The following ANKRD30B variants were observed in gnomAD, a reference collection of about 807,000 sequenced individuals.
ANKRD30B encodes the protein ankyrin repeat domain 30B.
Under a neutral mutation model 202.2 loss-of-function variants are expected in ANKRD30B, and 144 were observed. That is an observed-to-expected ratio of 0.71 (90% CI 0.62 to 0.82). The LOEUF is 0.82. Ranked by LOEUF, ANKRD30B falls within the 40% of genes least tolerant of loss-of-function variation. ANKRD30B has a pLI of 0.00. For missense variants in ANKRD30B, 1,487 were observed against 1,669.1 expected (o/e 0.89, Z 1.90); for synonymous variants, 508 against 561.3 (o/e 0.91, Z 1.34).
chr18:14,875,452 G>A, the ANKRD30B span, among the ~76,000 whole-genome samples: 1 of 152,156 alleles, frequency 6.6e-6, no homozygotes, highest in South Asian at 2.1e-4. Flanking sequence ...TTTCCCATAG[G>A]AAGGTTATGG....
intron 7 of ANKRD30B, among the ~76,000 whole-genome samples, chr18:14,768,578 C>G (rs549217541): frequency 6.6e-6 from 1 of 152,290 alleles, no homozygotes; most frequent in Admixed American, 6.5e-5. Context: ...GGACAACTTG[C>G]TGGTTTCTGC....
rs568998909 is a variant in ANKRD30B, at chr18:14,852,076, T to C, written c.4132T>C (p.Leu1378=). 5 of 1,610,284 alleles carry C rather than the reference T, an allele frequency of 3.1e-6. No homozygotes were observed. The South Asian group carries it at 4.4e-5, about 14-fold the overall frequency. ...YAGDDLRENA[L]VSEHAQRDRC... Reference sequence around the variant, plus strand: ...AGGAGATGATCTAAGAGAAAATGCATTGGTTTCAGAACATGCACAAAGAGA... The same window carrying C: ...AGGAGATGATCTAAGAGAAAATGCACTGGTTTCAGAACATGCACAAAGAGA... Residue 1378 remains leucine (L), a synonymous_variant, in exon 42 of 44, where the codon TTG becomes CTG. Coordinates refer to ENST00000690538, the MANE Select transcript of ANKRD30B (RefSeq NM_001367607.2).
chr18:14,874,737 C>T, the ANKRD30B span, among the ~76,000 whole-genome samples: 1 of 152,222 alleles, frequency 6.6e-6, no homozygotes, highest in Non-Finnish European at 1.5e-5. Flanking sequence ...GACCTATAAG[C>T]TTATCTATCC....
chr18:14,890,341 A>G, the ANKRD30B span, among the ~76,000 whole-genome samples: 3 of 151,906 alleles, frequency 2.0e-5, no homozygotes, highest in Admixed American at 2.0e-4. Context: ...AAATAGTTAC[A>G]TATTTGAGTT....
the ANKRD30B span, among the ~76,000 whole-genome samples, chr18:14,940,036 T>C: frequency 6.6e-6 from 1 of 152,244 alleles, no homozygotes; most frequent in Middle Eastern, 3.2e-3. Flanking sequence ...GACTCCTTAT[T>C]CATAGGCAAA....
intron 24 of ANKRD30B, among the ~76,000 whole-genome samples, chr18:14,807,761 G>A (rs1308772788): frequency 6.0e-5 from 9 of 150,648 alleles, no homozygotes; most frequent in Admixed American, 5.9e-4. Context: ...GGAACTCCTG[G>A]CCTTGAGAGA....
the ANKRD30B span, among the ~76,000 whole-genome samples, chr18:14,870,266 C>T: frequency 6.6e-6 from 1 of 152,214 alleles, no homozygotes; most frequent in South Asian, 2.1e-4. Context: ...AGGCATGGGC[C>T]ACTGCGCCTG....
At chr18:14,877,383 T>C in the ANKRD30B span, among the ~76,000 whole-genome samples, 2 of 152,064 alleles carry the variant, frequency 1.3e-5, no homozygotes, top group Non-Finnish European at 2.9e-5. Context: ...GTTGACTTTC[T>C]GGCCTTTGGC....
intron 11 of ANKRD30B, among the ~76,000 whole-genome samples, chr18:14,780,774 A>G (rs1271761254): frequency 1.5e-5 from 1 of 65,496 alleles, no homozygotes; most frequent in Non-Finnish European, 3.7e-5. Context: ...GAACTTATTG[A>G]CATACGTGTA....
the ANKRD30B span, chr18:14,903,574 G>A: frequency 6.6e-6 from 1 of 152,188 alleles, no homozygotes; most frequent in Non-Finnish European, 1.5e-5. Flanking sequence ...GGAGAGGAAG[G>A]AAAGACAATT....
Position 14,791,424 on chromosome 18 carries a change from G to A in ANKRD30B, c.1758G>A (p.Gln586=). ...AGAGTCCCTGTGAGACGGTTTCACA[G>A]AAGGATGTGTATTTACCCAAAGCTA... The part of the protein sequence containing the change: ...DSESPCETVS[Q]KDVYLPKATH... The change falls in exon 16 of 44, where the codon CAG becomes CAA. Residue 586 remains glutamine (Q), a synonymous_variant. Coordinates refer to ENST00000690538, the MANE Select transcript of ANKRD30B (RefSeq NM_001367607.2). 6.2e-7 allele frequency: 1 copy of A among 1,609,422 alleles called. No homozygotes were observed. Among genetic ancestry groups the A allele is most frequent in the South Asian group, 1.1e-5 (1 of 89,934 alleles).
chr18:14,820,680 T>C, intron 30 of ANKRD30B, among the ~76,000 whole-genome samples: 1 of 152,200 alleles, frequency 6.6e-6, no homozygotes, highest in East Asian at 1.9e-4. Flanking sequence ...GATTTGCATA[T>C]ATTGAACCAG....
chr18:14,860,646 C>T, the ANKRD30B span, among the ~76,000 whole-genome samples: 3 of 151,172 alleles, frequency 2.0e-5, no homozygotes, highest in African/African-American at 4.9e-5. Flanking sequence ...AGAAACCCTG[C>T]AACCTAGAAA....
the ANKRD30B span, among the ~76,000 whole-genome samples, chr18:14,885,866 G>A: frequency 2.0e-5 from 3 of 151,700 alleles, no homozygotes; most frequent in African/African-American, 7.3e-5. Flanking sequence ...GTTTACTTTT[G>A]TTATCATTTC....
the ANKRD30B span, among the ~76,000 whole-genome samples, chr18:14,914,157 G>C: frequency 1.3e-5 from 2 of 152,114 alleles, no homozygotes; most frequent in Admixed American, 6.5e-5. Context: ...CAGGTTGATT[G>C]GTCTGGAAAT....
At chr18:14,881,823 T>G in the ANKRD30B span, among the ~76,000 whole-genome samples, 2 of 152,046 alleles carry the variant, frequency 1.3e-5, no homozygotes, top group Non-Finnish European at 2.9e-5. Flanking sequence ...CTTCCTGATT[T>G]AAGTTAGGAG....
At chr18:14,915,347 G>A in the ANKRD30B span, among the ~76,000 whole-genome samples, 5 of 152,260 alleles carry the variant, frequency 3.3e-5, no homozygotes, top group South Asian at 6.2e-4. Context: ...CTAGAAAATG[G>A]TTCTTCCTCC....
At chr18:14,798,940 A>G (rs1969119806) in intron 20 of ANKRD30B, among the ~76,000 whole-genome samples, 161 bp from the exon 21 acceptor site, 1 of 152,146 alleles carries the variant, frequency 6.6e-6, no homozygotes, top group African/African-American at 2.4e-5. Context: ...TACAGTTGGC[A>G]TGTTAACAAA....
chr18:14,809,590 G>A lies in ANKRD30B; in HGVS notation c.2387-396G>A, dbSNP rs1033301852. Among the ~76,000 whole-genome samples, 3 of 150,730 alleles carry A rather than the reference G, an allele frequency of 2.0e-5. 1 individual carries two copies. The highest frequency in any genetic ancestry group is 7.4e-5 in the African/African-American group (3 of 40,678). Reference sequence around the variant, plus strand: ...ACAAGGGTAGCATTCCATTCCCAGAGCTATGAACATATGCCTTTCTGGGAT... The same window carrying A: ...ACAAGGGTAGCATTCCATTCCCAGAACTATGAACATATGCCTTTCTGGGAT... On this transcript the variant is annotated intron_variant, in intron 26 of 43. Coordinates refer to ENST00000690538, the MANE Select transcript of ANKRD30B (RefSeq NM_001367607.2).
Sources: gnomAD v4.1 joint callset for allele counts (sites outside exome capture counted in the v4.1 genomes callset) on GRCh38, gnomAD v4.1.1 for gene constraint, MANE v1.5 for transcripts, NCBI Gene and HGNC (gene_info 2026-07-23, HGNC 2026-07-21) for gene names.